OR10A6: variants seen among roughly 807,000 people sequenced by gnomAD.
OR10A6 encodes the protein olfactory receptor family 10 subfamily A member 6 (gene/pseudogene).
OR10A6 carries 2 observed loss-of-function variants against 1.5 expected under a neutral mutation model. That is an observed-to-expected ratio of 1.31 (90% CI 0.54 to 4.13). The LOEUF (loss-of-function observed/expected upper bound fraction) is 4.13. Among genes scored for constraint, OR10A6 ranks in the 30% most tolerant of loss-of-function variants. The pLI is 0.07. For synonymous variants in OR10A6, 169 were observed against 137.3 expected, an observed-to-expected ratio of 1.23 and a Z score of -1.61; for missense variants, 492 against 368.6, an observed-to-expected ratio of 1.33 and a Z score of -2.74.
Position 7,925,448 on chromosome 11 carries a change from G to A in OR10A6, c.*2270C>T, listed in dbSNP as rs150518188. 1 of 152,158 alleles carries A rather than the reference G, an allele frequency of 6.6e-6. No individual in the cohort carries two copies. The highest frequency in any genetic ancestry group is 2.4e-5 in the African/African-American group (1 of 41,528). The allele number at this position is 152,158 out of a possible 1,614,324, so 9.4% of individuals were successfully genotyped here. A position where few individuals can be genotyped will look rare whatever the true frequency, so the allele number is the denominator to read the frequency against. On this transcript the variant is annotated 3_prime_UTR_variant, in exon 4 of 4. Transcript: ENST00000641238. The stretch of plus-strand genomic sequence containing the variant: ...AATCCAGGCTTTATTTATCACAAAG[G>A]CAATGAAAGAGGAAAGCGTCAAATA...
rs566757541 is a variant in OR10A6, at chr11:7,927,658, T to A, written c.*60A>T. The A allele has an allele frequency of 4.2e-5, 48 of 1,138,070 alleles. No individual in the cohort carries two copies. The East Asian group carries it at 7.5e-4, about 18-fold the overall frequency. 70.5% of individuals were successfully genotyped at this position (1,138,070 alleles called of 1,614,324 possible). On this transcript the variant is annotated 3_prime_UTR_variant, in exon 4 of 4. Transcript: ENST00000641238. ...TGCAAACTTAATGAATCTAAATTTA[T>A]TAAATTTAGATTGAATACAGTCATG...
rs1313669340 is a variant in OR10A6 at position 7,929,962 on chromosome 11, GTATGTA to G, written c.-1306_-1301del. The G allele has an allele frequency of 4.0e-5, 1 of 24,810 alleles. No individual in the cohort carries two copies. Among genetic ancestry groups the G allele is most frequent in the South Asian group, 2.2e-3 (1 of 460 alleles). 1.5% of individuals were successfully genotyped at this position (24,810 alleles called of 1,614,324 possible). On this transcript the variant is annotated 5_prime_UTR_variant, in exon 4 of 4. Transcript: ENST00000641238. ...AAGCTCTAGTAAGGTATGTGTATGT[GTATGTA>G]TATATATATATATATATATATATAT...
chr11:7,929,966 G>GTATATATATGTATATATATATA lies in OR10A6; in HGVS notation c.-1305_-1304insTATATATATATACATATATATA, dbSNP rs58402229. The GTATATATATGTATATATATATA allele has an allele frequency of 5.2e-3, 296 of 57,146 alleles. 7 individuals are homozygous for GTATATATATGTATATATATATA. Among genetic ancestry groups the GTATATATATGTATATATATATA allele is most frequent in the East Asian group, 0.015 (20 of 1,356 alleles). The allele number at this position is 57,146 out of a possible 1,614,324, so 3.5% of individuals were successfully genotyped here. A position where few individuals can be genotyped will look rare whatever the true frequency, so the allele number is the denominator to read the frequency against. ...TCTAGTAAGGTATGTGTATGTGTAT[G>GTATATATATGTATATATATATA]TATATATATATATATATATATATAT... is the stretch of plus-strand genomic sequence containing the variant. On this transcript the variant is annotated 5_prime_UTR_variant, in exon 4 of 4. Coordinates refer to ENST00000641238, the MANE Select transcript of OR10A6 (RefSeq NM_001004461.2).
Position 7,929,996 on chromosome 11 carries a change from A to ATATATATATATATATATATG in OR10A6, c.-1335_-1334insCATATATATATATATATATA, listed in dbSNP as rs1339002367. 40 of 80,120 alleles carry ATATATATATATATATATATG rather than the reference A, an allele frequency of 5.0e-4. 2 individuals carry two copies. The highest frequency in any genetic ancestry group is 1.1e-3 in the Non-Finnish European group (36 of 34,050). The allele number at this position is 80,120 out of a possible 1,614,324, so 5.0% of individuals were successfully genotyped here. On this transcript the variant is annotated 5_prime_UTR_variant, in exon 4 of 4. Coordinates refer to ENST00000641238, the MANE Select transcript of OR10A6 (RefSeq NM_001004461.2). ...TATATATATATATATATATATATAAAATCCCTCACTAGAGCTTAGCTCCCA... is the reference window on the plus strand; with the variant it reads ...TATATATATATATATATATATATAAATATATATATATATATATATGATCCCTCACTAGAGCTTAGCTCCCA...
Position 7,928,736 on chromosome 11 carries a change from G to C in OR10A6, c.-74C>G, listed in dbSNP as rs1266043201. ...AATAAAGCCACAGTCCATTAGCTAA[G>C]AGTTCCAGTCTGCATTCACCCCAGA... On this transcript the variant is annotated 5_prime_UTR_variant, in exon 4 of 4. Coordinates refer to ENST00000641238, the MANE Select transcript of OR10A6 (RefSeq NM_001004461.2). 1.8e-6 allele frequency: 2 copies of C among 1,105,806 alleles called. No homozygotes were observed. The highest frequency in any genetic ancestry group is 2.5e-6 in the Non-Finnish European group (2 of 802,378). 68.5% of individuals were successfully genotyped at this position (1,105,806 alleles called of 1,614,324 possible).
rs1235641778 is a variant in OR10A6, at chr11:7,926,031, T to C, written c.*1687A>G. On this transcript the variant is annotated 3_prime_UTR_variant, in exon 4 of 4. Coordinates refer to ENST00000641238, the MANE Select transcript of OR10A6 (RefSeq NM_001004461.2). ...CCCCGCTCTTCACCTATTTTACATA[T>C]ACCTACCCTTTCCTAATTGGTTTTT... 2 of 152,244 alleles carry C rather than the reference T, an allele frequency of 1.3e-5. No individual in the cohort carries two copies. Among genetic ancestry groups the C allele is most frequent in the Admixed American group, 6.5e-5 (1 of 15,274 alleles). 9.4% of individuals were successfully genotyped at this position (152,244 alleles called of 1,614,324 possible).
Position 7,925,057 on chromosome 11 carries a change from A to G in OR10A6, c.*2661T>C, listed in dbSNP as rs772235846. 3 of 151,484 alleles carry G rather than the reference A, an allele frequency of 2.0e-5. No individual in the cohort carries two copies. The highest frequency in any genetic ancestry group is 2.9e-5 in the Non-Finnish European group (2 of 67,810). The allele number at this position is 151,484 out of a possible 1,614,324, so 9.4% of individuals were successfully genotyped here. On this transcript the variant is annotated 3_prime_UTR_variant, in exon 4 of 4. Transcript: ENST00000641238. ...CTTAAGAAACTTGTTTTTTTTTTCTACTTAAAGAACAAAAATGGGGTTTTC... is the reference window on the plus strand; with the variant it reads ...CTTAAGAAACTTGTTTTTTTTTTCTGCTTAAAGAACAAAAATGGGGTTTTC...
Position 7,925,327 on chromosome 11 carries a change from C to A in OR10A6, c.*2391G>T, listed in dbSNP as rs1859375121. 1 of 152,186 alleles carries A rather than the reference C, an allele frequency of 6.6e-6. No homozygotes were observed. Among genetic ancestry groups the A allele is most frequent in the Admixed American group, 6.5e-5 (1 of 15,276 alleles). 9.4% of individuals were successfully genotyped at this position (152,186 alleles called of 1,614,324 possible). A position where few individuals can be genotyped will look rare whatever the true frequency, so the allele number is the denominator to read the frequency against. ...ACATCACAAATGTATAAATTCCCAGCACATACTTGGATTCACACACGCATA... is the reference window on the plus strand; with the variant it reads ...ACATCACAAATGTATAAATTCCCAGAACATACTTGGATTCACACACGCATA... On this transcript the variant is annotated 3_prime_UTR_variant, in exon 4 of 4. Transcript: ENST00000641238.
rs1859384844 is a variant in OR10A6, at chr11:7,925,759, G to A, written c.*1959C>T. ...AGGAAATTTCAGGATATCAAGAGATGGGATCCAATCAAAGGCTTTTGCTGA... is the reference window on the plus strand; with the variant it reads ...AGGAAATTTCAGGATATCAAGAGATAGGATCCAATCAAAGGCTTTTGCTGA... On this transcript the variant is annotated 3_prime_UTR_variant, in exon 4 of 4. Transcript: ENST00000641238. The A allele has an allele frequency of 6.6e-6, 1 of 152,138 alleles. No homozygotes were observed. The highest frequency in any genetic ancestry group is 2.1e-4 in the South Asian group (1 of 4,824). 9.4% of individuals were successfully genotyped at this position (152,138 alleles called of 1,614,324 possible).
Position 7,926,914 on chromosome 11 carries a change from C to T in OR10A6, c.*804G>A, listed in dbSNP as rs1237890896. On this transcript the variant is annotated 3_prime_UTR_variant, in exon 4 of 4. Coordinates refer to ENST00000641238, the MANE Select transcript of OR10A6 (RefSeq NM_001004461.2). ...CCCACAACAAAAAAACACAATCATA[C>T]ATTGTTTGGCCTGTATGAGGTGCAT... 1.3e-5 allele frequency: 2 copies of T among 152,092 alleles called. No homozygotes were observed. Among genetic ancestry groups the T allele is most frequent in the South Asian group, 2.1e-4 (1 of 4,826 alleles). 9.4% of individuals were successfully genotyped at this position (152,092 alleles called of 1,614,324 possible).
Position 7,927,575 on chromosome 11 carries a change from C to G in OR10A6, c.*143G>C, listed in dbSNP as rs1311508933. On this transcript the variant is annotated 3_prime_UTR_variant, in exon 4 of 4. Coordinates refer to ENST00000641238, the MANE Select transcript of OR10A6 (RefSeq NM_001004461.2). ...AAAAACATTAACATATAAAGATGCT[C>G]CTGATATACAATCAAACTTGGAGAA... The G allele has an allele frequency of 1.7e-6, 1 of 578,246 alleles. No individual in the cohort carries two copies. Among genetic ancestry groups the G allele is most frequent in the East Asian group, 2.8e-5 (1 of 35,566 alleles). The allele number at this position is 578,246 out of a possible 1,614,324, so 35.8% of individuals were successfully genotyped here.
rs963200593 is a variant in OR10A6, at chr11:7,925,464, G to A, written c.*2254C>T. On this transcript the variant is annotated 3_prime_UTR_variant, in exon 4 of 4. Transcript: ENST00000641238. Reference sequence around the variant, plus strand: ...ATCACAAAGGCAATGAAAGAGGAAAGCGTCAAATATAGTAACCTTCCAGCA... The same window carrying A: ...ATCACAAAGGCAATGAAAGAGGAAAACGTCAAATATAGTAACCTTCCAGCA... 1 of 152,116 alleles carries A rather than the reference G, an allele frequency of 6.6e-6. No individual in the cohort carries two copies. Among genetic ancestry groups the A allele is most frequent in the African/African-American group, 2.4e-5 (1 of 41,428 alleles). 9.4% of individuals were successfully genotyped at this position (152,116 alleles called of 1,614,324 possible).
Position 7,928,641 on chromosome 11 carries a change from A to C in OR10A6, c.22T>G (p.Cys8Gly). The C allele has an allele frequency of 6.2e-7, 1 of 1,602,500 alleles. No homozygotes were observed. Among genetic ancestry groups the C allele is most frequent in the Non-Finnish European group, 8.5e-7 (1 of 1,176,298 alleles). MERQNQS[C>G]VVEFILLGFS... is the part of the protein sequence containing the mutation. ...CCCAAGAGGATGAATTCAACCACAC[A>C]GCTTTGATTTTGTCTTTCCATTTTC... Residue 8 changes from cysteine to glycine, a missense_variant, in exon 4 of 4, where the codon TGT becomes GGT. Coordinates refer to ENST00000641238, the MANE Select transcript of OR10A6 (RefSeq NM_001004461.2).
rs1416886169 is a variant in OR10A6, at chr11:7,928,039, C to G, written c.624G>C (p.Leu208Phe). The change falls in exon 4 of 4, where the codon TTG (leucine) becomes TTC (phenylalanine). Residue 208 changes from leucine to phenylalanine, a missense_variant. Leu to Phe is a conservative substitution (Grantham distance 22). Coordinates refer to ENST00000641238, the MANE Select transcript of OR10A6 (RefSeq NM_001004461.2). ...ACAAGAGTATCAACAAGAAAGGAACCAAAATAATCAAAAAGGTGCCTGTGA... is the reference window on the plus strand; with the variant it reads ...ACAAGAGTATCAACAAGAAAGGAACGAAAATAATCAAAAAGGTGCCTGTGA... ...YAFTGTFLII[L>F]VPFLLILLSY... The G allele has an allele frequency of 2.5e-6, 4 of 1,613,612 alleles. No homozygotes were observed. The highest frequency in any genetic ancestry group is 3.4e-6 in the Non-Finnish European group (4 of 1,179,952).
rs1461463426 is a variant in OR10A6 at position 7,926,582 on chromosome 11, GT to G, written c.*1135del. 7.2e-5 allele frequency: 11 copies of G among 152,118 alleles called. No homozygotes were observed. The allele number at this position is 152,118 out of a possible 1,614,324, so 9.4% of individuals were successfully genotyped here. On this transcript the variant is annotated 3_prime_UTR_variant, in exon 4 of 4. Transcript: ENST00000641238. Reference sequence around the variant, plus strand: ...AGGGTTTTCCATCCAATGAATGATTGTTTTGTAGAAGTGTTCTAACCGCTTT... The same window carrying G: ...AGGGTTTTCCATCCAATGAATGATTGTTTGTAGAAGTGTTCTAACCGCTTT...
rs1859507300 is a variant in OR10A6 at position 7,930,085 on chromosome 11, G to T, written c.-1423C>A. 6.9e-6 allele frequency: 1 copy of T among 145,592 alleles called. No individual in the cohort carries two copies. Among genetic ancestry groups the T allele is most frequent in the Non-Finnish European group, 1.5e-5 (1 of 66,810 alleles). 9.0% of individuals were successfully genotyped at this position (145,592 alleles called of 1,614,324 possible). A position where few individuals can be genotyped will look rare whatever the true frequency, so the allele number is the denominator to read the frequency against. On this transcript the variant is annotated 5_prime_UTR_variant, in exon 4 of 4. Coordinates refer to ENST00000641238, the MANE Select transcript of OR10A6 (RefSeq NM_001004461.2). ...ACTGCCTACACTACAACCCTCCCTG[G>T]CTCATAATAGGTTTTAAACCAACAT... is the stretch of plus-strand genomic sequence containing the variant.
chr11:7,930,589 C>A lies in OR10A6; in HGVS notation c.-1853-74G>T, dbSNP rs141173081. The A allele has an allele frequency of 2.3e-3, 357 of 152,158 alleles. 2 individuals carry two copies. Among genetic ancestry groups the A allele is most frequent in the African/African-American group, 8.1e-3 (336 of 41,506 alleles). The allele number at this position is 152,158 out of a possible 1,614,324, so 9.4% of individuals were successfully genotyped here. On this transcript the variant is annotated intron_variant, in intron 3 of 3. Transcript: ENST00000641238. ...TTTGTCCATAGTCATGTATTAAAAT[C>A]AAATGACTGTATTTAACCACAAAAA...
chr11:7,928,698 A>G lies in OR10A6; in HGVS notation c.-36T>C, dbSNP rs1564866806. 1 of 1,470,390 alleles carries G rather than the reference A, an allele frequency of 6.8e-7. No homozygotes were observed. Among genetic ancestry groups the G allele is most frequent in the Non-Finnish European group, 9.3e-7 (1 of 1,073,946 alleles). The allele number at this position is 1,470,390 out of a possible 1,614,324, so 91.1% of individuals were successfully genotyped here. ...GAAGTCGTGCATTGATTTTATGGAC[A>G]TAGTATATACAGAATAAAGCCACAG... is the stretch of plus-strand genomic sequence containing the variant. On this transcript the variant is annotated 5_prime_UTR_variant, in exon 4 of 4. An upstream start codon of the reference 5' UTR is lost. Transcript: ENST00000641238.
rs1361160298 is a variant in OR10A6 at position 7,929,210 on chromosome 11, C to G, written c.-548G>C. On this transcript the variant is annotated 5_prime_UTR_variant, in exon 4 of 4. Transcript: ENST00000641238. ...TGACTTGGAGAAAGAAAACAACATT[C>G]TGTAGAAACATAGAGGGGATTTGAA... 1 of 152,158 alleles carries G rather than the reference C, an allele frequency of 6.6e-6. No individual in the cohort carries two copies. The highest frequency in any genetic ancestry group is 1.5e-5 in the Non-Finnish European group (1 of 68,062). The allele number at this position is 152,158 out of a possible 1,614,324, so 9.4% of individuals were successfully genotyped here.
Sources: allele counts gnomAD v4.1 joint callset, GRCh38; gene constraint gnomAD v4.1.1; transcripts MANE v1.5; gene names NCBI Gene and HGNC (gene_info 2026-07-23, HGNC 2026-07-21).